CRCT1: variants seen among roughly 807,000 people sequenced by gnomAD.
CRCT1 encodes the protein cysteine-rich C-terminal protein 1.
For missense variants in CRCT1, 160 were observed against 136.3 expected (o/e 1.17, Z -0.87); for synonymous variants, 86 against 60.3 (o/e 1.43, Z -1.98).
chr1:152,515,949 A>C lies in CRCT1; in HGVS notation c.*266A>C. The stretch of plus-strand genomic sequence containing the variant: ...CTTGCACACAGCAGGTGCTCAGCAA[A>C]TGTCTATTGATTTGATTGTCTTTTG... On this transcript the variant is annotated 3_prime_UTR_variant, in exon 2 of 2. Coordinates refer to ENST00000368790, the MANE Select transcript of CRCT1 (RefSeq NM_019060.3). The C allele has an allele frequency of 2.4e-6, 1 of 425,018 alleles. No homozygotes were observed. The allele number at this position is 425,018 out of a possible 1,614,324, so 26.3% of individuals were successfully genotyped here. A position where few individuals can be genotyped will look rare whatever the true frequency, so the allele number is the denominator to read the frequency against.
Position 152,515,719 on chromosome 1 carries a change from C to G in CRCT1, c.*36C>G, listed in dbSNP as rs1658736773. The G allele has an allele frequency of 6.9e-7, 1 of 1,444,774 alleles. No individual in the cohort carries two copies. Among genetic ancestry groups the G allele is most frequent in the Non-Finnish European group, 9.1e-7 (1 of 1,098,260 alleles). 89.5% of individuals were successfully genotyped at this position (1,444,774 alleles called of 1,614,324 possible). ...ACCCCCAGCGCTGCGCTAGAGAAACCCGCCCAGCCCAGAGCGGGCCCGCCC... is the reference window on the plus strand; with the variant it reads ...ACCCCCAGCGCTGCGCTAGAGAAACGCGCCCAGCCCAGAGCGGGCCCGCCC... On this transcript the variant is annotated 3_prime_UTR_variant, in exon 2 of 2. Transcript: ENST00000368790.
chr1:152,515,551 C>T lies in CRCT1; in HGVS notation c.168C>T (p.Ser56=). The T allele has an allele frequency of 6.3e-7, 1 of 1,594,418 alleles. No homozygotes were observed. The highest frequency in any genetic ancestry group is 1.1e-5 in the South Asian group (1 of 89,906). The change falls in exon 2 of 2, where the codon AGC becomes AGT. Residue 56 remains serine, a synonymous_variant. Transcript: ENST00000368790. Reference sequence around the variant, plus strand: ...GCGACTCAGGCTGCTGCGGCTCCAGCTCCACCAGTTGCTGCTGCTTCCCAA... The same window carrying T: ...GCGACTCAGGCTGCTGCGGCTCCAGTTCCACCAGTTGCTGCTGCTTCCCAA... ...CCGDSGCCGS[S]STSCCCFPRR...
At chr1:152,515,244 C>T in intron 1 of CRCT1, 118 bp from the exon 2 acceptor site, 5 of 827,564 alleles carry the variant, frequency 6.0e-6, no homozygotes, top group Non-Finnish European at 8.8e-6. Flanking sequence ...GGTGCTTTTC[C>T]CTCCTTGTCC....
rs1277762378 is a variant in CRCT1, at chr1:152,515,798, T to G, written c.*115T>G. 15 of 1,400,176 alleles carry G rather than the reference T, an allele frequency of 1.1e-5. No homozygotes were observed. 86.7% of individuals were successfully genotyped at this position (1,400,176 alleles called of 1,614,324 possible). On this transcript the variant is annotated 3_prime_UTR_variant, in exon 2 of 2. Coordinates refer to ENST00000368790, the MANE Select transcript of CRCT1 (RefSeq NM_019060.3). Reference sequence around the variant, plus strand: ...TCGGAGTTTGCCCCGTAAAGCGAATTGCACTTTGATGTTCAGAAACCCACT... The same window carrying G: ...TCGGAGTTTGCCCCGTAAAGCGAATGGCACTTTGATGTTCAGAAACCCACT...
intron 1 of CRCT1, among the ~76,000 whole-genome samples, chr1:152,514,958 T>C (rs1425133381): frequency 5.3e-5 from 8 of 151,990 alleles, no homozygotes; most frequent in African/African-American, 1.7e-4. Flanking sequence ...TTCTAACTGA[T>C]GGGGGTGTAG....
Position 152,515,520 on chromosome 1 carries a change from G to A in CRCT1, c.137G>A (p.Cys46Tyr). 6.3e-7 allele frequency: 1 copy of A among 1,597,002 alleles called. No individual in the cohort carries two copies. The part of the protein sequence containing the change: ...SSSCCGSGRG[C>Y]CGDSGCCGSS... ...TCCTGCTGCGGCTCCGGCAGGGGCT[G>A]CTGCGGCGACTCAGGCTGCTGCGGC... Residue 46 changes from cysteine to tyrosine, a missense_variant, in exon 2 of 2, where the codon TGC becomes TAC. By Grantham distance (194) the Cys-to-Tyr change is radical. Coordinates refer to ENST00000368790, the MANE Select transcript of CRCT1 (RefSeq NM_019060.3).
rs1367674596 is a variant in CRCT1 at position 152,515,802 on chromosome 1, C to G, written c.*119C>G. The G allele has an allele frequency of 7.2e-7, 1 of 1,396,502 alleles. No individual in the cohort carries two copies. Among genetic ancestry groups the G allele is most frequent in the Non-Finnish European group, 9.4e-7 (1 of 1,069,064 alleles). 86.5% of individuals were successfully genotyped at this position (1,396,502 alleles called of 1,614,324 possible). A position where few individuals can be genotyped will look rare whatever the true frequency, so the allele number is the denominator to read the frequency against. On this transcript the variant is annotated 3_prime_UTR_variant, in exon 2 of 2. Coordinates refer to ENST00000368790, the MANE Select transcript of CRCT1 (RefSeq NM_019060.3). Reference sequence around the variant, plus strand: ...AGTTTGCCCCGTAAAGCGAATTGCACTTTGATGTTCAGAAACCCACTTTGT... The same window carrying G: ...AGTTTGCCCCGTAAAGCGAATTGCAGTTTGATGTTCAGAAACCCACTTTGT...
Position 152,515,513 on chromosome 1 carries a change from A to C in CRCT1, c.130A>C (p.Arg44=), listed in dbSNP as rs1368355911. 5 of 1,595,678 alleles carry C rather than the reference A, an allele frequency of 3.1e-6. No individual in the cohort carries two copies. Among genetic ancestry groups the C allele is most frequent in the Non-Finnish European group, 4.2e-6 (5 of 1,177,140 alleles). The stretch of plus-strand genomic sequence containing the variant: ...CTCCTCCTCCTGCTGCGGCTCCGGC[A>C]GGGGCTGCTGCGGCGACTCAGGCTG... ...ASSSSCCGSG[R]GCCGDSGCCG... Residue 44 remains arginine (R), a synonymous_variant, in exon 2 of 2, where the codon AGG becomes CGG. Transcript: ENST00000368790.
chr1:152,515,735 G>T lies in CRCT1; in HGVS notation c.*52G>T, dbSNP rs763661028. On this transcript the variant is annotated 3_prime_UTR_variant, in exon 2 of 2. Coordinates refer to ENST00000368790, the MANE Select transcript of CRCT1 (RefSeq NM_019060.3). ...TAGAGAAACCCGCCCAGCCCAGAGC[G>T]GGCCCGCCCCGCTGCGGCTCCCACG... 2.8e-6 allele frequency: 4 copies of T among 1,414,584 alleles called. No homozygotes were observed. Among genetic ancestry groups the T allele is most frequent in the East Asian group, 2.8e-5 (1 of 35,916 alleles). 87.6% of individuals were successfully genotyped at this position (1,414,584 alleles called of 1,614,324 possible). A position where few individuals can be genotyped will look rare whatever the true frequency, so the allele number is the denominator to read the frequency against.
In CRCT1 at chr1:152,514,548, G is replaced by A. The variant is rs891569987; in HGVS notation, c.-27G>A. The A allele has an allele frequency of 2.0e-5, 3 of 152,212 alleles. No individual in the cohort carries two copies. The highest frequency in any genetic ancestry group is 7.2e-5 in the African/African-American group (3 of 41,408). 9.4% of individuals were successfully genotyped at this position (152,212 alleles called of 1,614,324 possible). The stretch of plus-strand genomic sequence containing the variant: ...TAGTGAGTCTTTCAGTGGAGCCAGG[G>A]TCTGGTAAGTCTCCTAGCAGGGTCT... On this transcript the variant is annotated 5_prime_UTR_variant, in exon 1 of 2. Transcript: ENST00000368790.
chr1:152,515,586 G>C lies in CRCT1; in HGVS notation c.203G>C (p.Arg68Pro), dbSNP rs776655211. 1 of 1,594,314 alleles carries C rather than the reference G, an allele frequency of 6.3e-7. No individual in the cohort carries two copies. Among genetic ancestry groups the C allele is most frequent in the Non-Finnish European group, 8.5e-7 (1 of 1,175,534 alleles). ...TGCTGCTGCTTCCCAAGGAGACGCC[G>C]CCGACAGCGGAGTAGTGGTTGCTGC... ...TSCCCFPRRR[R>P]RQRSSGCCCC... is the part of the protein sequence containing the mutation. The change falls in exon 2 of 2, where the codon CGC (arginine) becomes CCC (proline). Residue 68 changes from arginine (R) to proline (P), a missense_variant. By Grantham distance (103) the Arg-to-Pro change is moderately radical. Transcript: ENST00000368790.
chr1:152,515,373 GGAGCTCCGC>G lies in CRCT1; in HGVS notation c.-8_1del. 1 of 1,503,756 alleles carries G rather than the reference GGAGCTCCGC, an allele frequency of 6.7e-7. No homozygotes were observed. Among genetic ancestry groups the G allele is most frequent in the Non-Finnish European group, 8.8e-7 (1 of 1,131,026 alleles). The allele number at this position is 1,503,756 out of a possible 1,614,324, so 93.2% of individuals were successfully genotyped here. A position where few individuals can be genotyped will look rare whatever the true frequency, so the allele number is the denominator to read the frequency against. ...TGCCTTTCTTCCAGGTTTGTCGTGA[GGAGCTCCGC>G]GATGTCCTCTCAACAGAGCGCCGTT... On this transcript the variant is annotated 5_prime_UTR_variant, in exon 2 of 2. Coordinates refer to ENST00000368790, the MANE Select transcript of CRCT1 (RefSeq NM_019060.3).
chr1:152,514,991 G>A (rs2101749062), intron 1 of CRCT1, among the ~76,000 whole-genome samples: 1 of 152,308 alleles, frequency 6.6e-6, no homozygotes, highest in East Asian at 1.9e-4. Flanking sequence ...TACAGTCGAA[G>A]GTCGGTAGGA....
At position 152,515,366 on chromosome 1, in the gene CRCT1, G is replaced by C. The variant is rs370489485; in HGVS notation, c.-18G>C. The C allele has an allele frequency of 4.0e-5, 60 of 1,500,466 alleles. No homozygotes were observed. The highest frequency in any genetic ancestry group is 5.1e-5 in the Non-Finnish European group (58 of 1,129,954). 92.9% of individuals were successfully genotyped at this position (1,500,466 alleles called of 1,614,324 possible). A position where few individuals can be genotyped will look rare whatever the true frequency, so the allele number is the denominator to read the frequency against. On this transcript the variant is annotated 5_prime_UTR_variant, in exon 2 of 2. Transcript: ENST00000368790. ...GAAAGGCTGCCTTTCTTCCAGGTTT[G>C]TCGTGAGGAGCTCCGCGATGTCCTC...
In CRCT1 at chr1:152,515,618, G is replaced by A. The variant is rs748843625; in HGVS notation, c.235G>A (p.Gly79Arg). Residue 79 changes from glycine to arginine, a missense_variant, in exon 2 of 2, where the codon GGG becomes AGG. Gly to Arg is a moderately radical substitution (Grantham distance 125). Coordinates refer to ENST00000368790, the MANE Select transcript of CRCT1 (RefSeq NM_019060.3). Reference sequence around the variant, plus strand: ...GCGGAGTAGTGGTTGCTGCTGCTGCGGGGGCGGCAGCCAGAGGTCCCAGCG... The same window carrying A: ...GCGGAGTAGTGGTTGCTGCTGCTGCAGGGGCGGCAGCCAGAGGTCCCAGCG... ...RQRSSGCCCC[G>R]GGSQRSQRSN... is the part of the protein sequence containing the mutation. 7 of 1,584,438 alleles carry A rather than the reference G, an allele frequency of 4.4e-6. No individual in the cohort carries two copies. The highest frequency in any genetic ancestry group is 2.3e-5 in the East Asian group (1 of 43,848).
chr1:152,515,286 T>C, intron 1 of CRCT1, 76 bp from the exon 2 acceptor site: 1 of 1,296,446 alleles, frequency 7.7e-7, no homozygotes, highest in Non-Finnish European at 1.0e-6. Context: ...CTAAGCCGAA[T>C]CTCAAAAGCC....
Position 152,515,624 on chromosome 1 carries a change from G to C in CRCT1, c.241G>C (p.Gly81Arg). 6.3e-7 allele frequency: 1 copy of C among 1,582,450 alleles called. No individual in the cohort carries two copies. Among genetic ancestry groups the C allele is most frequent in the South Asian group, 1.1e-5 (1 of 87,664 alleles). Residue 81 changes from glycine (G) to arginine (R), a missense_variant, in exon 2 of 2, where the codon GGC (glycine) becomes CGC (arginine). Coordinates refer to ENST00000368790, the MANE Select transcript of CRCT1 (RefSeq NM_019060.3). ...RSSGCCCCGG[G>R]SQRSQRSNNR... The stretch of plus-strand genomic sequence containing the variant: ...TAGTGGTTGCTGCTGCTGCGGGGGC[G>C]GCAGCCAGAGGTCCCAGCGCTCCAA...
chr1:152,515,872 C>G lies in CRCT1; in HGVS notation c.*189C>G, dbSNP rs975047751. The G allele has an allele frequency of 1.9e-6, 2 of 1,033,934 alleles. No individual in the cohort carries two copies. Among genetic ancestry groups the G allele is most frequent in the Middle Eastern group, 6.5e-4 (2 of 3,074 alleles). The allele number at this position is 1,033,934 out of a possible 1,614,324, so 64.0% of individuals were successfully genotyped here. A position where few individuals can be genotyped will look rare whatever the true frequency, so the allele number is the denominator to read the frequency against. On this transcript the variant is annotated 3_prime_UTR_variant, in exon 2 of 2. Coordinates refer to ENST00000368790, the MANE Select transcript of CRCT1 (RefSeq NM_019060.3). The stretch of plus-strand genomic sequence containing the variant: ...CCTGACCCCGATGTGATTTTTCTCC[C>G]CGGGGATTCGAGAGCCATGCGTGGG...
At position 152,515,819 on chromosome 1, in the gene CRCT1, C is replaced by A; in HGVS notation, c.*136C>A. 1 of 1,361,006 alleles carries A rather than the reference C, an allele frequency of 7.3e-7. No individual in the cohort carries two copies. The highest frequency in any genetic ancestry group is 9.6e-7 in the Non-Finnish European group (1 of 1,039,718). 84.3% of individuals were successfully genotyped at this position (1,361,006 alleles called of 1,614,324 possible). ...GAATTGCACTTTGATGTTCAGAAAC[C>A]CACTTTGTTCTCAGCCACGCAAAAC... is the stretch of plus-strand genomic sequence containing the variant. On this transcript the variant is annotated 3_prime_UTR_variant, in exon 2 of 2. Coordinates refer to ENST00000368790, the MANE Select transcript of CRCT1 (RefSeq NM_019060.3).
Sources: allele counts gnomAD v4.1 joint callset (sites outside exome capture counted in the v4.1 genomes callset), GRCh38; gene constraint gnomAD v4.1.1; transcripts MANE v1.5; gene names NCBI Gene and HGNC (gene_info 2026-07-23, HGNC 2026-07-21).